The following INVS variants were observed in gnomAD, a reference collection of about 807,000 sequenced individuals.
The protein encoded by INVS is inversion of embryo turning homolog.
In INVS, 86 loss-of-function variants were observed where a neutral mutation model predicts 108.8. That is an observed-to-expected ratio of 0.79 (90% confidence interval 0.66 to 0.95). INVS has a LOEUF of 0.95. Ranked by LOEUF, INVS falls within the 40% of genes least tolerant of loss-of-function variation. INVS has a pLI of 0.00. For missense variants in INVS, 1,169 were observed against 1,297.4 expected, an observed-to-expected ratio of 0.90 and a Z score of 1.52; for synonymous variants, 455 against 473.5, an observed-to-expected ratio of 0.96 and a Z score of 0.51.
chr9:100,296,402 C>T (rs1164637527), intron 14 of INVS, among the ~76,000 whole-genome samples: 1 of 152,178 alleles, frequency 6.6e-6, no homozygotes, highest in Non-Finnish European at 1.5e-5. Context: ...TCTAAAGCCC[C>T]CTTTCGTCAC....
intron 3 of INVS, among the ~76,000 whole-genome samples, chr9:100,225,062 GTT>G (rs773615807): frequency 2.1e-5 from 3 of 140,650 alleles, no homozygotes; most frequent in Non-Finnish European, 1.6e-5. Flanking sequence ...TGGTTTTTTT[GTT>G]TTTTTTTTTT....
intron 13 of INVS, among the ~76,000 whole-genome samples, chr9:100,290,063 T>C (rs138467609): frequency 4.5e-4 from 68 of 151,758 alleles, no homozygotes; most frequent in African/African-American, 1.6e-3. Context: ...CTAATAGGTG[T>C]GTAGTGGTAT....
At chr9:100,186,232 C>T (rs1830052115) in intron 3 of INVS, among the ~76,000 whole-genome samples, 1 of 152,074 alleles carries the variant, frequency 6.6e-6, no homozygotes, top group Admixed American at 6.5e-5. Flanking sequence ...TCACTGCATC[C>T]TTCACCTCCC....
intron 11 of INVS, among the ~76,000 whole-genome samples, chr9:100,267,019 TA>T (rs11415703): frequency 0.2 from 18,275 of 92,900 alleles, 1,374 homozygotes; most frequent in African/African-American, 0.32. Flanking sequence ...TTTGAAACTC[TA>T]AAAAAAAAAA....
At chr9:100,116,436 A>G (rs998729043) in intron 2 of INVS, among the ~76,000 whole-genome samples, 1 of 151,956 alleles carries the variant, frequency 6.6e-6, no homozygotes, top group African/African-American at 2.4e-5. Flanking sequence ...TTATTATTCT[A>G]TTGTAAAAGT....
In INVS at chr9:100,201,182, T is replaced by C. The variant is rs571983829; in HGVS notation, c.274-24880T>C. The stretch of plus-strand genomic sequence containing the variant: ...GCCCCCAAGTCCCATAAGGGTGGTA[T>C]GGAGGCAGGTCCACGTAGATGCTGC... On this transcript the variant is annotated intron_variant, in intron 3 of 16. Transcript: ENST00000262457. Among the ~76,000 whole-genome samples the C allele has an allele frequency of 3.9e-5, 6 of 152,354 alleles. No homozygotes were observed. The East Asian group carries it at 5.8e-4, about 15-fold the overall frequency.
At chr9:100,141,128 G>A (rs1274630601) in intron 3 of INVS, among the ~76,000 whole-genome samples, 4 of 152,158 alleles carry the variant, frequency 2.6e-5, no homozygotes, top group Admixed American at 2.6e-4. Flanking sequence ...GTGAATAGGA[G>A]TATGATTAGA....
At chr9:100,114,449 T>C (rs954060122) in intron 2 of INVS, among the ~76,000 whole-genome samples, 6 of 126,316 alleles carry the variant, frequency 4.7e-5, no homozygotes, top group Non-Finnish European at 7.8e-5. Context: ...TCTCCCAGGC[T>C]GAAGAGCAGT....
chr9:100,100,937 A>AT (rs1491408195), intron 1 of INVS, among the ~76,000 whole-genome samples: 1 of 31,536 alleles, frequency 3.2e-5, no homozygotes, highest in African/African-American at 1.6e-4. Context: ...TAATATATAT[A>AT]ATATATATAC....
At chr9:100,255,323 A>G (rs1357710809) in intron 10 of INVS, among the ~76,000 whole-genome samples, 7 of 152,190 alleles carry the variant, frequency 4.6e-5, no homozygotes, top group Non-Finnish European at 1.0e-4. Flanking sequence ...GGCTGAGACA[A>G]TGGGGTTTTC....
chr9:100,268,495 T>G (rs1259871359), intron 11 of INVS, among the ~76,000 whole-genome samples: 2 of 152,142 alleles, frequency 1.3e-5, no homozygotes, highest in East Asian at 3.9e-4. Flanking sequence ...CAGCCTCATT[T>G]TCGTAGCCCT....
chr9:100,121,860 T>G (rs1827734547), intron 2 of INVS, among the ~76,000 whole-genome samples: 3 of 152,170 alleles, frequency 2.0e-5, no homozygotes, highest in Non-Finnish European at 4.4e-5. Context: ...CCTTCTAAGC[T>G]TCCCTCATGT....
chr9:100,106,492 C>T (rs1792324959), intron 2 of INVS, among the ~76,000 whole-genome samples: 1 of 152,154 alleles, frequency 6.6e-6, no homozygotes, highest in African/African-American at 2.4e-5. Flanking sequence ...ACTGCATTAG[C>T]GCACAGGCTA....
At chr9:100,260,186 C>CTT (rs372496395) in intron 10 of INVS, among the ~76,000 whole-genome samples, 7,967 of 101,396 alleles carry the variant, frequency 0.079, 550 homozygotes, top group Non-Finnish European at 0.12. Flanking sequence ...ATTTTCTTTT[C>CTT]TTTTTTTTTT....
In INVS at chr9:100,104,508, T is replaced by C. The variant is rs1827108688; in HGVS notation, c.-14T>C. ...GAATCATTGTTTCAGGTTGCTCCGGTTGCTAAGAAGACTATGAACAAGTCA... is the reference window on the plus strand; with the variant it reads ...GAATCATTGTTTCAGGTTGCTCCGGCTGCTAAGAAGACTATGAACAAGTCA... On this transcript the variant is annotated 5_prime_UTR_variant, in exon 2 of 17. Coordinates refer to ENST00000262457, the MANE Select transcript of INVS (RefSeq NM_014425.5). 1 of 1,595,654 alleles carries C rather than the reference T, an allele frequency of 6.3e-7. No individual in the cohort carries two copies. The highest frequency in any genetic ancestry group is 8.6e-7 in the Non-Finnish European group (1 of 1,163,404).
chr9:100,233,756 A>G lies in INVS; in HGVS notation c.615+3929A>G, dbSNP rs141460119. ...TGGTGGATAAGCTTTTTGATGTGCT[A>G]CTGGTTTCGGTTTACCAGTATTTTA... On this transcript the variant is annotated intron_variant, in intron 5 of 16. Coordinates refer to ENST00000262457, the MANE Select transcript of INVS (RefSeq NM_014425.5). 6.9e-4 allele frequency among the ~76,000 whole-genome samples: 105 copies of G among 152,094 alleles called. 1 individual carries two copies. Among genetic ancestry groups the G allele is most frequent in the Non-Finnish European group, 5.9e-5 (4 of 67,938 alleles).
At chr9:100,188,033 C>T (rs528012061) in intron 3 of INVS, among the ~76,000 whole-genome samples, 71 of 152,232 alleles carry the variant, frequency 4.7e-4, no homozygotes, top group African/African-American at 1.5e-3. Context: ...ATTTTGTAAC[C>T]TGAGATATAA....
chr9:100,154,303 T>C (rs908941069), intron 3 of INVS, among the ~76,000 whole-genome samples: 1 of 149,456 alleles, frequency 6.7e-6, no homozygotes, highest in African/African-American at 2.5e-5. Context: ...TAGCTGGGAT[T>C]ATAGGTGTGT....
chr9:100,285,908 C>T (rs1170506399), intron 13 of INVS, among the ~76,000 whole-genome samples: 3 of 152,264 alleles, frequency 2.0e-5, no homozygotes, highest in East Asian at 1.9e-4. Context: ...AGTTAGAGAA[C>T]GGTAGGAGCT....
Sources: allele counts gnomAD v4.1 joint callset (sites outside exome capture counted in the v4.1 genomes callset), GRCh38; gene constraint gnomAD v4.1.1; transcripts MANE v1.5; gene names NCBI Gene and HGNC (gene_info 2026-07-23, HGNC 2026-07-21).